PPP3CA: variants seen among roughly 807,000 people sequenced by gnomAD.
PPP3CA encodes the protein protein phosphatase 3 catalytic subunit alpha.
A neutral mutation model predicts 66.5 loss-of-function variants in PPP3CA; 14 were observed. The observed-to-expected ratio is 0.21, with a 90% CI of 0.14 to 0.33. The LOEUF is 0.33. PPP3CA is among the 10% of genes least tolerant of loss of function. PPP3CA has a pLI of 1.00. For missense variants in PPP3CA, 317 were observed against 639.5 expected, an observed-to-expected ratio of 0.50 and a Z score of 5.44; for synonymous variants, 232 against 226.2, an observed-to-expected ratio of 1.03 and a Z score of -0.23.
At chr4:101,119,870 G>A (rs1721970405) in intron 2 of PPP3CA, among the ~76,000 whole-genome samples, 1 of 152,018 alleles carries the variant, frequency 6.6e-6, no homozygotes, top group African/African-American at 2.4e-5. Context: ...ATATTTAAAT[G>A]CCTTAAGCAA....
intron 2 of PPP3CA, among the ~76,000 whole-genome samples, chr4:101,158,568 G>T (rs1208656514): frequency 6.6e-6 from 1 of 152,200 alleles, no homozygotes; most frequent in African/African-American, 2.4e-5. Context: ...TGTCAGATGA[G>T]AAATCATGAG....
intron 13 of PPP3CA, among the ~76,000 whole-genome samples, chr4:101,028,690 C>T (rs991856463): frequency 1.3e-5 from 2 of 152,146 alleles, no homozygotes; most frequent in Non-Finnish European, 2.9e-5. Flanking sequence ...TTTAGAGATA[C>T]AAATTAATGT....
chr4:101,055,114 C>T lies in PPP3CA; in HGVS notation c.1156+5973G>A, dbSNP rs562639622. ...ATCTCAGTGCCTATGATTTTAGGAC[C>T]TAAAAGACAGTCCCAGATAAATAAC... On this transcript the variant is annotated intron_variant, in intron 10 of 13. Coordinates refer to ENST00000394854, the MANE Select transcript of PPP3CA (RefSeq NM_000944.5). Among the ~76,000 whole-genome samples the T allele has an allele frequency of 3.9e-5, 6 of 152,004 alleles. No individual in the cohort carries two copies. In the South Asian group the frequency reaches 1.2e-3, roughly 32 times the overall value.
At chr4:101,091,892 GGAGGAGAA>G (rs149211058) in intron 6 of PPP3CA, among the ~76,000 whole-genome samples, 11,583 of 145,198 alleles carry the variant, frequency 0.08, 569 homozygotes, top group Non-Finnish European at 0.11. Context: ...GGAGGAGGAA[GGAGGAGAA>G]GAGGAGGAGT....
At chr4:101,201,585 G>C (rs1724968578) in intron 1 of PPP3CA, among the ~76,000 whole-genome samples, 1 of 152,200 alleles carries the variant, frequency 6.6e-6, no homozygotes, top group African/African-American at 2.4e-5. Flanking sequence ...AACCACAACA[G>C]ATGCAATGTC....
intron 1 of PPP3CA, among the ~76,000 whole-genome samples, chr4:101,304,160 C>T (rs1025104237): frequency 1.3e-5 from 2 of 152,052 alleles, no homozygotes; most frequent in African/African-American, 4.8e-5. Flanking sequence ...TGTACAAAGA[C>T]CTCTTTCATC....
At chr4:101,055,797 C>A (rs1395778060) in intron 10 of PPP3CA, among the ~76,000 whole-genome samples, 1 of 151,766 alleles carries the variant, frequency 6.6e-6, no homozygotes, top group African/African-American at 2.4e-5. Context: ...ACTTTCATGG[C>A]CAAATAATAC....
At chr4:101,207,204 C>A (rs1483012720) in intron 1 of PPP3CA, among the ~76,000 whole-genome samples, 1 of 152,152 alleles carries the variant, frequency 6.6e-6, no homozygotes, top group African/African-American at 2.4e-5. Flanking sequence ...CTGCTAACAT[C>A]CTAAAACACT....
chr4:101,167,126 T>TA (rs1723718384), intron 2 of PPP3CA, among the ~76,000 whole-genome samples: 1 of 152,136 alleles, frequency 6.6e-6, no homozygotes, highest in Non-Finnish European at 1.5e-5. Context: ...GTGAGACAAA[T>TA]ACAAAATTAC....
rs550508097 is a variant in PPP3CA at position 101,107,357 on chromosome 4, G to A, written c.384+1597C>T. ...AAACAGATTTTTATGGTTCTGTTTT[G>A]CAACGTAGATTTAGGTTTCTAGAGA... On this transcript the variant is annotated intron_variant, in intron 3 of 13. Transcript: ENST00000394854. Among the ~76,000 whole-genome samples the A allele has an allele frequency of 2.0e-3, 303 of 152,176 alleles. 2 individuals carry two copies. The highest frequency in any genetic ancestry group is 3.4e-3 in the Middle Eastern group (1 of 294).
intron 1 of PPP3CA, among the ~76,000 whole-genome samples, chr4:101,259,262 T>C (rs1490782389): frequency 2.6e-5 from 4 of 152,090 alleles, no homozygotes; most frequent in Non-Finnish European, 5.9e-5. Flanking sequence ...ACCCAGCGGA[T>C]AGGAATCTTA....
At chr4:101,059,985 A>C (rs2110224236) in intron 10 of PPP3CA, among the ~76,000 whole-genome samples, 1 of 152,254 alleles carries the variant, frequency 6.6e-6, no homozygotes, top group South Asian at 2.1e-4. Context: ...AAGGAAAAAA[A>C]GTCTGTATGT....
chr4:101,155,101 C>T (rs1195119731), intron 2 of PPP3CA, among the ~76,000 whole-genome samples: 1 of 152,080 alleles, frequency 6.6e-6, no homozygotes, highest in East Asian at 1.9e-4. Context: ...GGGCGTGAGC[C>T]AACGCGCCCA....
chr4:101,247,024 ATAAT>A (rs1456082891), intron 1 of PPP3CA, among the ~76,000 whole-genome samples: 4 of 152,230 alleles, frequency 2.6e-5, no homozygotes, highest in Non-Finnish European at 4.4e-5. Flanking sequence ...TAGAGCAAAT[ATAAT>A]TAGTTTGCAT....
chr4:101,117,212 C>A (rs576282594), intron 2 of PPP3CA, among the ~76,000 whole-genome samples: 1 of 151,760 alleles, frequency 6.6e-6, no homozygotes, highest in African/African-American at 2.4e-5. Flanking sequence ...TTAACAATTA[C>A]AATAAACCAG....
chr4:101,187,566 C>G (rs1296758416), intron 2 of PPP3CA, among the ~76,000 whole-genome samples: 1 of 152,082 alleles, frequency 6.6e-6, no homozygotes, highest in Non-Finnish European at 1.5e-5. Context: ...GAAGGCAAAG[C>G]AGTGGTTGAG....
intron 10 of PPP3CA, among the ~76,000 whole-genome samples, chr4:101,060,156 T>C (rs1197037219): frequency 6.6e-6 from 1 of 152,078 alleles, no homozygotes; most frequent in Non-Finnish European, 1.5e-5. Flanking sequence ...GGTATGACCA[T>C]GGCTCACTGC....
intron 2 of PPP3CA, among the ~76,000 whole-genome samples, chr4:101,112,252 T>C (rs867363439): frequency 3.9e-5 from 6 of 152,188 alleles, no homozygotes; most frequent in Admixed American, 6.6e-5. Flanking sequence ...TGCTTAAGTA[T>C]AGAAGTACAT....
chr4:101,035,134 T>C (rs899176266), intron 11 of PPP3CA, among the ~76,000 whole-genome samples: 23 of 152,152 alleles, frequency 1.5e-4, no homozygotes, highest in Admixed American at 3.3e-4. Flanking sequence ...CCGGGTGTGA[T>C]GGCATGCTCC....
Sources: allele counts gnomAD v4.1 joint callset (sites outside exome capture counted in the v4.1 genomes callset), GRCh38; gene constraint gnomAD v4.1.1; transcripts MANE v1.5; gene names NCBI Gene and HGNC (gene_info 2026-07-23, HGNC 2026-07-21).